Variants in WWP1 observed in about 807,000 individuals in gnomAD.
The protein encoded by WWP1 is WW domain containing E3 ubiquitin protein ligase 1, also known as NEDD4-like E3 ubiquitin-protein ligase WWP1.
Under a neutral mutation model 130.6 loss-of-function variants are expected in WWP1, and 49 were observed. The observed-to-expected ratio is 0.38, with a 90% CI of 0.30 to 0.48. WWP1 has a LOEUF of 0.48. Among genes scored for constraint, WWP1 ranks in the 20% least tolerant of loss-of-function variants. The pLI is 0.99. For synonymous variants in WWP1, 332 were observed against 367.8 expected (o/e 0.90, Z 1.11); for missense variants, 809 against 1,100.6 (o/e 0.74, Z 3.75).
At chr8:86,434,035 C>A (rs1401728413) in intron 14 of WWP1, among the ~76,000 whole-genome samples, 1 of 152,140 alleles carries the variant, frequency 6.6e-6, no homozygotes, top group African/African-American at 2.4e-5. Context: ...TCCAGCTATG[C>A]CTCACCACCC....
At chr8:86,387,767 G>A (rs945193945) in intron 5 of WWP1, among the ~76,000 whole-genome samples, 12 of 152,182 alleles carry the variant, frequency 7.9e-5, no homozygotes, top group Middle Eastern at 6.8e-3. Flanking sequence ...CAAGTGATCT[G>A]CCTGCCTCAG....
In WWP1 at chr8:86,442,895, A is replaced by G. The variant is rs1011704640; in HGVS notation, c.1998+117A>G. 12 of 1,122,466 alleles carry G rather than the reference A, an allele frequency of 1.1e-5. No homozygotes were observed. In the African/African-American group the frequency reaches 1.8e-4, roughly 16 times the overall value. 69.5% of individuals were successfully genotyped at this position (1,122,466 alleles called of 1,614,324 possible). A position where few individuals can be genotyped will look rare whatever the true frequency, so the allele number is the denominator to read the frequency against. ...TTTGCTATTCACAAGTTTTGTTACC[A>G]AGAAAGTTTCCCTGGAGAGTGTAAA... is the stretch of plus-strand genomic sequence containing the variant. On this transcript the variant is annotated intron_variant, in intron 18 of 24. Coordinates refer to ENST00000517970, the MANE Select transcript of WWP1 (RefSeq NM_007013.4).
chr8:86,373,608 A>G (rs1824457012), intron 2 of WWP1, among the ~76,000 whole-genome samples: 1 of 152,148 alleles, frequency 6.6e-6, no homozygotes. Flanking sequence ...TTTTAAGATT[A>G]TAGACTCAGA....
rs60630138 is a variant in WWP1 at position 86,364,806 on chromosome 8, C to CGAAAGAAA, written c.-114-4110_-114-4103dup. 1.1e-3 allele frequency among the ~76,000 whole-genome samples: 152 copies of CGAAAGAAA among 135,836 alleles called. 1 individual carries two copies. Among genetic ancestry groups the CGAAAGAAA allele is most frequent in the Non-Finnish European group, 1.9e-3 (124 of 66,076 alleles). The allele number at this position is 135,836 out of a possible 152,430, so 89.1% of individuals were successfully genotyped here. ...GGGCGACAAAAGTGAGACCCTGCCTCGAAAGAAAGAAAGAAAGAAAGAAAG... is the reference window on the plus strand; with the variant it reads ...GGGCGACAAAAGTGAGACCCTGCCTCGAAAGAAAGAAAGAAAGAAAGAAAGAAAGAAAG... On this transcript the variant is annotated intron_variant, in intron 1 of 24. Coordinates refer to ENST00000517970, the MANE Select transcript of WWP1 (RefSeq NM_007013.4).
intron 13 of WWP1, 38 bp from the exon 14 acceptor site, chr8:86,431,577 G>C (rs1286198324): frequency 6.2e-7 from 1 of 1,612,522 alleles, no homozygotes; most frequent in Non-Finnish European, 8.5e-7. Context: ...TTAGTACCTA[G>C]AAAAGGTTCA....
At chr8:86,446,650 A>C (rs1186549492) in intron 18 of WWP1, among the ~76,000 whole-genome samples, 1 of 152,194 alleles carries the variant, frequency 6.6e-6, no homozygotes, top group Non-Finnish European at 1.5e-5. Flanking sequence ...GTGTATGATG[A>C]AAGGTAGCAC....
chr8:86,419,712 A>C (rs1809090747), intron 9 of WWP1, among the ~76,000 whole-genome samples: 1 of 152,174 alleles, frequency 6.6e-6, no homozygotes, highest in African/African-American at 2.4e-5. Flanking sequence ...AATAAACACA[A>C]ATTTCTTCAT....
chr8:86,345,137 C>G (rs886087841), intron 1 of WWP1, among the ~76,000 whole-genome samples: 9 of 152,002 alleles, frequency 5.9e-5, no homozygotes, highest in African/African-American at 2.2e-4. Context: ...AGTCGAATAG[C>G]CAAAATTTGA....
Position 86,356,538 on chromosome 8 carries a change from GA to G in WWP1, c.-114-12394del, listed in dbSNP as rs1022084229. 5.3e-5 allele frequency among the ~76,000 whole-genome samples: 8 copies of G among 151,544 alleles called. 1 individual carries two copies. Among genetic ancestry groups the G allele is most frequent in the African/African-American group, 1.9e-4 (8 of 41,386 alleles). ...ACTGAGAAATTATAGCAAATTAAAA[GA>G]AAAAAACTACCTCATTCTCAGTACT... On this transcript the variant is annotated intron_variant, in intron 1 of 24. Coordinates refer to ENST00000517970, the MANE Select transcript of WWP1 (RefSeq NM_007013.4).
chr8:86,404,877 G>C (rs1487815100), intron 8 of WWP1, among the ~76,000 whole-genome samples: 2 of 152,188 alleles, frequency 1.3e-5, no homozygotes, highest in East Asian at 3.8e-4. Context: ...ATTTTGATGT[G>C]TGTGGTTTTT....
At chr8:86,418,282 G>C (rs1809000925) in intron 9 of WWP1, among the ~76,000 whole-genome samples, 1 of 152,118 alleles carries the variant, frequency 6.6e-6, no homozygotes, top group African/African-American at 2.4e-5. Context: ...TGGAGCGTAT[G>C]GTCTAATATA....
At chr8:86,384,597 T>C (rs1248182554) in intron 5 of WWP1, among the ~76,000 whole-genome samples, 1 of 152,222 alleles carries the variant, frequency 6.6e-6, no homozygotes, top group Admixed American at 6.5e-5. Context: ...GCATTCTTGG[T>C]TGCCTTTGAT....
At chr8:86,402,511 C>T (rs1380932798) in intron 8 of WWP1, among the ~76,000 whole-genome samples, 1 of 152,114 alleles carries the variant, frequency 6.6e-6, no homozygotes, top group East Asian at 1.9e-4. Context: ...TGGCTGGTCT[C>T]GAACTCCTGA....
chr8:86,433,149 A>G (rs557398252), intron 14 of WWP1, among the ~76,000 whole-genome samples: 1 of 151,640 alleles, frequency 6.6e-6, no homozygotes, highest in South Asian at 2.1e-4. Flanking sequence ...TAGTGCTGTG[A>G]GCCATACTTT....
chr8:86,427,545 C>A, intron 10 of WWP1, 98 bp from the exon 11 acceptor site: 1 of 1,251,008 alleles, frequency 8.0e-7, no homozygotes, highest in Non-Finnish European at 1.1e-6. Flanking sequence ...GTTATTTTAA[C>A]ATGTCTTGAA....
intron 8 of WWP1, among the ~76,000 whole-genome samples, chr8:86,403,256 A>G (rs1586366934): frequency 6.6e-6 from 1 of 152,156 alleles, no homozygotes; most frequent in African/African-American, 2.4e-5. Context: ...GGAAAGAAGC[A>G]ATTCAGTAAT....
chr8:86,342,877 G>T lies in WWP1; in HGVS notation c.-168G>T, dbSNP rs1420103485. The stretch of plus-strand genomic sequence containing the variant: ...AGGGTGAGGGCGCCCGCCGCAGGAG[G>T]AGGTGCCGCTGCCGTGGCCGCCCGG... On this transcript the variant is annotated 5_prime_UTR_variant, in exon 1 of 25. Transcript: ENST00000517970. 17 of 364,118 alleles carry T rather than the reference G, an allele frequency of 4.7e-5. No homozygotes were observed. The highest frequency in any genetic ancestry group is 3.6e-4 in the African/African-American group (17 of 47,024). 22.6% of individuals were successfully genotyped at this position (364,118 alleles called of 1,614,324 possible).
intron 7 of WWP1, among the ~76,000 whole-genome samples, chr8:86,399,063 C>A (rs879613438): frequency 3.3e-5 from 5 of 152,082 alleles, no homozygotes; most frequent in African/African-American, 9.7e-5. Context: ...TAATATGTGA[C>A]CTTTTGTGAC....
intron 5 of WWP1, among the ~76,000 whole-genome samples, chr8:86,390,917 G>A (rs893570445): frequency 8.6e-5 from 13 of 152,020 alleles, no homozygotes; most frequent in African/African-American, 2.4e-4. Flanking sequence ...TTGTTTTCTC[G>A]TATATTTCAT....
Sources: allele counts gnomAD v4.1 joint callset (sites outside exome capture counted in the v4.1 genomes callset), GRCh38; gene constraint gnomAD v4.1.1; transcripts MANE v1.5; gene names NCBI Gene and HGNC (gene_info 2026-07-23, HGNC 2026-07-21).